Variants in CSMD1 observed in about 807,000 individuals in gnomAD.
CSMD1 encodes CUB and Sushi multiple domains 1, also known as CUB and sushi domain-containing protein 1.
A neutral mutation model predicts 417.5 loss-of-function variants in CSMD1; 213 were observed. That is an observed-to-expected ratio of 0.51 (90% confidence interval 0.46 to 0.57). The LOEUF (loss-of-function observed/expected upper bound fraction) is 0.57. Ranked by LOEUF, CSMD1 falls within the 20% of genes least tolerant of loss-of-function variation. CSMD1 has a pLI of 0.00. For synonymous variants in CSMD1, 2,862 were observed against 1,736.8 expected (o/e 1.65, Z -16.11); for missense variants, 6,923 against 4,529.7 (o/e 1.53, Z -15.17).
intron 31 of CSMD1, among the ~76,000 whole-genome samples, chr8:3,204,866 G>A (rs963885509): frequency 6.6e-6 from 1 of 152,208 alleles, no homozygotes; most frequent in Admixed American, 6.5e-5. Context: ...TCTGATCCAA[G>A]ATAAATTGTC....
chr8:4,470,736 A>C (rs1478520828), intron 2 of CSMD1, among the ~76,000 whole-genome samples: 1 of 152,232 alleles, frequency 6.6e-6, no homozygotes, highest in Admixed American at 6.5e-5. Context: ...ATGAACACAG[A>C]AAAACACCAT....
At chr8:4,542,903 A>C (rs1403313066) in intron 2 of CSMD1, among the ~76,000 whole-genome samples, 1 of 152,140 alleles carries the variant, frequency 6.6e-6, no homozygotes, top group East Asian at 1.9e-4. Flanking sequence ...GCATTTTTGA[A>C]TATTTATCTA....
intron 17 of CSMD1, 45 bp downstream of exon 17, chr8:3,396,149 C>T (rs557582961): frequency 9.4e-6 from 14 of 1,497,004 alleles, no homozygotes; most frequent in Non-Finnish European, 1.3e-5. Flanking sequence ...TTAGTTCTCC[C>T]ATGCATGCTG....
chr8:4,130,236 T>C (rs964872800), intron 3 of CSMD1, among the ~76,000 whole-genome samples: 2 of 152,172 alleles, frequency 1.3e-5, no homozygotes, highest in African/African-American at 4.8e-5. Context: ...CAGTCTAGTA[T>C]GTAAGTTTGG....
chr8:3,831,919 T>C (rs962796208), intron 5 of CSMD1, among the ~76,000 whole-genome samples: 1 of 152,192 alleles, frequency 6.6e-6, no homozygotes, highest in Admixed American at 6.5e-5. Flanking sequence ...ACTTTTAAAA[T>C]ACCCCCCAGA....
intron 3 of CSMD1, among the ~76,000 whole-genome samples, chr8:4,382,517 T>C (rs1207388280): frequency 1.3e-5 from 2 of 152,188 alleles, no homozygotes; most frequent in East Asian, 3.9e-4. Flanking sequence ...GCTCTTCTTT[T>C]AAACTGTATT....
chr8:4,690,729 A>T (rs984948684), intron 1 of CSMD1, among the ~76,000 whole-genome samples: 1 of 151,962 alleles, frequency 6.6e-6, no homozygotes, highest in East Asian at 1.9e-4. Context: ...TGAAATCTTG[A>T]TATTATTATT....
chr8:3,985,891 G>A (rs1050771904), intron 5 of CSMD1, among the ~76,000 whole-genome samples: 3 of 151,548 alleles, frequency 2.0e-5, no homozygotes, highest in Admixed American at 2.0e-4. Context: ...AATTCATCGT[G>A]CACTCTTACT....
At chr8:4,394,078 C>G (rs1222833056) in intron 3 of CSMD1, among the ~76,000 whole-genome samples, 1 of 152,140 alleles carries the variant, frequency 6.6e-6, no homozygotes, top group African/African-American at 2.4e-5. Flanking sequence ...CTGAAACAAA[C>G]TCCTCAATCC....
At chr8:3,319,372 T>C (rs1805995784) in intron 23 of CSMD1, among the ~76,000 whole-genome samples, 2 of 152,188 alleles carry the variant, frequency 1.3e-5, no homozygotes, top group South Asian at 2.1e-4. Context: ...AAGAATTTGG[T>C]ATAATTTTAT....
At chr8:3,287,105 A>C (rs189524236) in intron 25 of CSMD1, among the ~76,000 whole-genome samples, 5,956 of 150,526 alleles carry the variant, frequency 0.04, 383 homozygotes, top group African/African-American at 0.14. Flanking sequence ...GCTTGTTTTT[A>C]TCAGGTTTGT....
At chr8:4,465,845 A>C (rs140665822) in intron 2 of CSMD1, among the ~76,000 whole-genome samples, 1 of 152,158 alleles carries the variant, frequency 6.6e-6, no homozygotes, top group Non-Finnish European at 1.5e-5. Context: ...CAAGCCACAC[A>C]TTCTATCCTC....
intron 2 of CSMD1, among the ~76,000 whole-genome samples, chr8:4,478,952 C>G (rs1412439789): frequency 6.6e-6 from 1 of 152,134 alleles, no homozygotes; most frequent in Non-Finnish European, 1.5e-5. Flanking sequence ...CGGAAATTTT[C>G]TCAACCTTAG....
chr8:4,605,392 G>C (rs1028771888), intron 2 of CSMD1, among the ~76,000 whole-genome samples: 14 of 152,214 alleles, frequency 9.2e-5, no homozygotes, highest in African/African-American at 2.9e-4. Flanking sequence ...TAATTTTATA[G>C]ATAAAGAATT....
chr8:4,176,188 C>A (rs141154863), intron 3 of CSMD1, among the ~76,000 whole-genome samples: 2 of 152,114 alleles, frequency 1.3e-5, no homozygotes, highest in South Asian at 2.1e-4. Context: ...CCTGCAGAAC[C>A]ACATCCACCC....
intron 2 of CSMD1, among the ~76,000 whole-genome samples, chr8:4,484,363 G>A (rs1801255840): frequency 6.6e-6 from 1 of 152,148 alleles, no homozygotes; most frequent in Non-Finnish European, 1.5e-5. Context: ...GAAAGGTGGG[G>A]TTTACTTACA....
chr8:4,259,874 G>T (rs1803747623), intron 3 of CSMD1, among the ~76,000 whole-genome samples: 1 of 152,086 alleles, frequency 6.6e-6, no homozygotes, highest in African/African-American at 2.4e-5. Flanking sequence ...TGCAGCTTAA[G>T]TTAATTTATT....
At chr8:3,821,107 G>A (rs911697778) in intron 5 of CSMD1, among the ~76,000 whole-genome samples, 3 of 151,864 alleles carry the variant, frequency 2.0e-5, no homozygotes, top group Non-Finnish European at 2.9e-5. Flanking sequence ...TAGTAGAAAT[G>A]GAGTTTCACC....
chr8:4,316,885 T>G (rs1798967736), intron 3 of CSMD1, among the ~76,000 whole-genome samples: 1 of 151,752 alleles, frequency 6.6e-6, no homozygotes, highest in Non-Finnish European at 1.5e-5. Flanking sequence ...CTCCAAATCT[T>G]GGGGTGGGGG....
Sources: allele counts gnomAD v4.1 joint callset (sites outside exome capture counted in the v4.1 genomes callset), GRCh38; gene constraint gnomAD v4.1.1; transcripts MANE v1.5; gene names NCBI Gene and HGNC (gene_info 2026-07-23, HGNC 2026-07-21).